ATAD2B: variants seen among roughly 807,000 people sequenced by gnomAD.
ATAD2B encodes the protein ATPase family AAA domain-containing protein 2B.
In ATAD2B, 40 loss-of-function variants were observed where a neutral mutation model predicts 167.6. The observed-to-expected ratio is 0.24, with a 90% confidence interval of 0.19 to 0.31. The LOEUF is 0.31. Among genes scored for constraint, ATAD2B ranks in the 10% least tolerant of loss-of-function variants. The probability of loss-of-function intolerance (pLI) is 1.00; values close to 1 mark genes in which losing one functional copy is unlikely to be tolerated. For synonymous variants in ATAD2B, 579 were observed against 596.5 expected (o/e 0.97, Z 0.43); for missense variants, 1,242 against 1,757.2 (o/e 0.71, Z 5.24).
intron 13 of ATAD2B, among the ~76,000 whole-genome samples, chr2:23,838,077 T>C (rs914709742): frequency 6.6e-6 from 1 of 152,182 alleles, no homozygotes; most frequent in Non-Finnish European, 1.5e-5. Context: ...ATCATTCTCC[T>C]TCCCAAACAC....
the ATAD2B span, among the ~76,000 whole-genome samples, chr2:23,720,594 A>AG: frequency 6.7e-6 from 1 of 150,226 alleles, no homozygotes. Flanking sequence ...AAAAAAAAAA[A>AG]GTTAAGAGGG....
the ATAD2B span, chr2:23,691,552 C>T: frequency 1.1e-5 from 8 of 727,380 alleles, no homozygotes; most frequent in Admixed American, 6.7e-5. Context: ...GTGTCATTGC[C>T]GTGTCCTTTG....
chr2:23,916,974 T>A (rs1317653896), intron 1 of ATAD2B, among the ~76,000 whole-genome samples: 1 of 152,220 alleles, frequency 6.6e-6, no homozygotes, highest in Non-Finnish European at 1.5e-5. Flanking sequence ...ATTCTCCACC[T>A]GCTTTCACCC....
the ATAD2B span, chr2:23,691,665 T>C: frequency 1.3e-6 from 2 of 1,551,468 alleles, no homozygotes; most frequent in Non-Finnish European, 1.7e-6. Context: ...CCCTGGTCTC[T>C]GTGCCTAGGT....
chr2:23,816,772 G>C (rs1686516737), intron 17 of ATAD2B, among the ~76,000 whole-genome samples: 1 of 152,068 alleles, frequency 6.6e-6, no homozygotes, highest in African/African-American at 2.4e-5. Flanking sequence ...AGAAAATTCT[G>C]TTTCTAGTCA....
intron 7 of ATAD2B, among the ~76,000 whole-genome samples, 169 bp downstream of exon 7, chr2:23,880,470 G>A (rs896763317): frequency 1.3e-5 from 2 of 151,968 alleles, no homozygotes; most frequent in African/African-American, 2.4e-5. Flanking sequence ...GGCTGAAGCA[G>A]GAGAATGGCA....
chr2:23,797,817 T>C (rs1381382592), intron 19 of ATAD2B, among the ~76,000 whole-genome samples: 4 of 152,152 alleles, frequency 2.6e-5, no homozygotes, highest in South Asian at 2.1e-4. Context: ...TTTCCACTAG[T>C]GGCTTCATGT....
chr2:23,693,534 GCCTGC>G, the ATAD2B span: 6 of 1,545,250 alleles, frequency 3.9e-6, no homozygotes, highest in Middle Eastern at 3.3e-4. Context: ...CACAGGTGGG[GCCTGC>G]CCTGTCCCCC....
chr2:23,719,899 T>C, the ATAD2B span, among the ~76,000 whole-genome samples: 1 of 152,244 alleles, frequency 6.6e-6, no homozygotes, highest in East Asian at 1.9e-4. Context: ...CCAAAGCAAA[T>C]GTCTGTTAAG....
the ATAD2B span, among the ~76,000 whole-genome samples, chr2:23,739,944 A>T: frequency 6.6e-6 from 1 of 152,256 alleles, no homozygotes; most frequent in African/African-American, 2.4e-5. Context: ...TAAACTAGAA[A>T]ATCTAGAAGA....
intron 1 of ATAD2B, among the ~76,000 whole-genome samples, chr2:23,914,697 C>T (rs1334226396): frequency 1.3e-5 from 2 of 151,956 alleles, no homozygotes; most frequent in Non-Finnish European, 2.9e-5. Context: ...AAAAAATTAG[C>T]CGGGCGAGGT....
chr2:23,894,242 G>C (rs1699906574), intron 2 of ATAD2B, among the ~76,000 whole-genome samples: 1 of 151,996 alleles, frequency 6.6e-6, no homozygotes, highest in Admixed American at 6.6e-5. Flanking sequence ...AGCACTTTGG[G>C]AGGTCGAGGC....
chr2:23,798,077 A>C, intron 19 of ATAD2B, 61 bp downstream of exon 19: 2 of 1,129,214 alleles, frequency 1.8e-6, no homozygotes, highest in Non-Finnish European at 2.4e-6. Flanking sequence ...TGTCCAATTT[A>C]CAGAGTCAAC....
rs886773660 is a variant in ATAD2B, at chr2:23,852,156, A to G, written c.1568+5259T>C. 2.0e-5 allele frequency among the ~76,000 whole-genome samples: 3 copies of G among 152,248 alleles called. No individual in the cohort carries two copies. The East Asian group carries it at 5.8e-4, about 29-fold the overall frequency. ...TATCAACTGAAGAAATTTAACTTGT[A>G]ATCAAAAACCTTTCCATAAACAAAA... On this transcript the variant is annotated intron_variant, in intron 13 of 27. Coordinates refer to ENST00000238789, the MANE Select transcript of ATAD2B (RefSeq NM_017552.4).
chr2:23,781,333 AAAATAAATAAATAAATAAATAAAT>A (rs57132440), intron 22 of ATAD2B, among the ~76,000 whole-genome samples: 2 of 144,474 alleles, frequency 1.4e-5, no homozygotes, highest in Non-Finnish European at 3.1e-5. Flanking sequence ...TGACCACAAA[AAAATAAATAAATAAATAAATAAAT>A]AAATAAATAA....
chr2:23,808,068 A>AATATATAAGTAATTATATATATAATTAT (rs1413440335), intron 18 of ATAD2B, among the ~76,000 whole-genome samples: 37,442 of 60,524 alleles, frequency 0.62, 13,764 homozygotes, highest in East Asian at 0.88. Context: ...TATAAATTAT[A>AATATATAAGTAATTATATATATAATTAT]ATATATAAGT....
the ATAD2B span, among the ~76,000 whole-genome samples, chr2:23,732,557 C>T: frequency 6.6e-6 from 1 of 152,082 alleles, no homozygotes; most frequent in African/African-American, 2.4e-5. Context: ...TTGTTTCAAG[C>T]AGTTTTCCAT....
chr2:23,678,686 T>TA, the ATAD2B span, among the ~76,000 whole-genome samples: 1 of 152,192 alleles, frequency 6.6e-6, no homozygotes, highest in African/African-American at 2.4e-5. Context: ...GATGAATGGT[T>TA]AAACAGTATG....
At chr2:23,799,890 T>C (rs1202749556) in intron 18 of ATAD2B, 2 of 152,092 alleles carry the variant, frequency 1.3e-5, no homozygotes, top group Non-Finnish European at 2.9e-5. Context: ...AGAACAGTTG[T>C]ACAGTACAAC....
Sources: allele counts gnomAD v4.1 joint callset (sites outside exome capture counted in the v4.1 genomes callset), GRCh38; gene constraint gnomAD v4.1.1; transcripts MANE v1.5; gene names NCBI Gene and HGNC (gene_info 2026-07-23, HGNC 2026-07-21).